The following FLT3 variants were observed in gnomAD, a reference collection of about 807,000 sequenced individuals.
FLT3 encodes the protein fms related receptor tyrosine kinase 3.
A neutral mutation model predicts 126.6 loss-of-function variants in FLT3; 46 were observed. The ratio of observed to expected loss-of-function variants is 0.36; its 90% CI spans 0.29 to 0.46. The LOEUF is 0.46. FLT3 is among the 20% of genes least tolerant of loss of function. The pLI is 1.00. For synonymous variants in FLT3, 404 were observed against 434.4 expected, an observed-to-expected ratio of 0.93 and a Z score of 0.87; for missense variants, 1,069 against 1,190.3, an observed-to-expected ratio of 0.90 and a Z score of 1.50.
intron 1 of FLT3, among the ~76,000 whole-genome samples, chr13:28,084,680 CTT>C (rs1262824313): frequency 1.3e-5 from 2 of 152,044 alleles, no homozygotes; most frequent in East Asian, 3.9e-4. Flanking sequence ...TGTATTGAAT[CTT>C]TTAAAATTTA....
chr13:28,081,827 A>AT (rs1398024148), intron 1 of FLT3, among the ~76,000 whole-genome samples: 1 of 77,480 alleles, frequency 1.3e-5, no homozygotes, highest in Non-Finnish European at 2.6e-5. Flanking sequence ...ATTTACTTTG[A>AT]TTTTTTTACT....
intron 1 of FLT3, among the ~76,000 whole-genome samples, chr13:28,084,698 G>A (rs377649537): frequency 6.6e-6 from 1 of 152,072 alleles, no homozygotes; most frequent in South Asian, 2.1e-4. Flanking sequence ...ATTTACAGCC[G>A]GGCGCAGTGG....
intron 18 of FLT3, among the ~76,000 whole-genome samples, chr13:28,023,772 G>A (rs1299213221): frequency 1.3e-5 from 2 of 150,782 alleles, no homozygotes; most frequent in Non-Finnish European, 2.9e-5. Context: ...CTGTCACAGT[G>A]GGAAAGGAAT....
At chr13:28,062,652 G>C (rs544539966) in intron 2 of FLT3, among the ~76,000 whole-genome samples, 5 of 148,050 alleles carry the variant, frequency 3.4e-5, no homozygotes, top group African/African-American at 1.2e-4. Context: ...GCTGAGGCAG[G>C]AGAATGGCTT....
intron 19 of FLT3, among the ~76,000 whole-genome samples, chr13:28,019,077 C>T (rs1243355860): frequency 6.6e-6 from 1 of 151,356 alleles, no homozygotes; most frequent in Non-Finnish European, 1.5e-5. Flanking sequence ...AAGCAATTCT[C>T]CTGCCTCAGC....
At chr13:28,096,737 C>T (rs1047272126) in intron 1 of FLT3, among the ~76,000 whole-genome samples, 9 of 152,264 alleles carry the variant, frequency 5.9e-5, no homozygotes, top group African/African-American at 2.2e-4. Context: ...CAGCCAGACT[C>T]ATGCAATTTT....
intron 1 of FLT3, among the ~76,000 whole-genome samples, chr13:28,084,158 A>T (rs929211794): frequency 6.7e-6 from 1 of 150,058 alleles, no homozygotes; most frequent in African/African-American, 2.4e-5. Context: ...CGTCTCCCTA[A>T]TTTTTTTTTA....
At chr13:28,042,386 A>T (rs1189743270) in intron 9 of FLT3, among the ~76,000 whole-genome samples, 3 of 151,988 alleles carry the variant, frequency 2.0e-5, no homozygotes, top group Non-Finnish European at 4.4e-5. Flanking sequence ...TACAAATGGT[A>T]CCTTATTTCA....
rs1287211763 is a variant in FLT3 at position 28,100,561 on chromosome 13, C to A, written c.-51G>T. The A allele has an allele frequency of 1.7e-6, 2 of 1,153,440 alleles. No individual in the cohort carries two copies. Among genetic ancestry groups the A allele is most frequent in the African/African-American group, 1.6e-5 (1 of 62,116 alleles). The allele number at this position is 1,153,440 out of a possible 1,614,324, so 71.5% of individuals were successfully genotyped here. The stretch of plus-strand genomic sequence containing the variant: ...GCCGCGCCGGCCCAGCCCTGCGATG[C>A]CGCCTGGAGCGGCGCGCCTCGCGCT... On this transcript the variant is annotated 5_prime_UTR_variant, in exon 1 of 24. Coordinates refer to ENST00000241453, the MANE Select transcript of FLT3 (RefSeq NM_004119.3). The surrounding 1 kb of genome is among the most constrained non-coding windows in gnomAD (Gnocchi z 4.8).
intron 23 of FLT3, among the ~76,000 whole-genome samples, chr13:28,006,450 T>G (rs112692793): frequency 2.6e-5 from 4 of 152,126 alleles, no homozygotes; most frequent in African/African-American, 4.8e-5. Context: ...TTTTGTGAAG[T>G]AGACATAGCA....
rs2137576009 is a variant in FLT3 at position 28,003,328 on chromosome 13, C to T, written c.*724G>A. Reference sequence around the variant, plus strand: ...TACTAATCCTCCATGTTACTTCTGACTGGCCCTGAGTCTGGGAAGGCCGCC... The same window carrying T: ...TACTAATCCTCCATGTTACTTCTGATTGGCCCTGAGTCTGGGAAGGCCGCC... On this transcript the variant is annotated 3_prime_UTR_variant, in exon 24 of 24. Transcript: ENST00000241453. 1 of 233,276 alleles carries T rather than the reference C, an allele frequency of 4.3e-6. No individual in the cohort carries two copies. Among genetic ancestry groups the T allele is most frequent in the Middle Eastern group, 1.3e-3 (1 of 786 alleles). The allele number at this position is 233,276 out of a possible 1,614,324, so 14.5% of individuals were successfully genotyped here.
intron 3 of FLT3, among the ~76,000 whole-genome samples, chr13:28,061,242 G>A (rs1379185062): frequency 2.0e-5 from 3 of 151,846 alleles, no homozygotes; most frequent in Admixed American, 6.6e-5. Context: ...TGTGATCCCC[G>A]ATATTCAGGA....
chr13:28,037,410 A>T (rs1873933212), intron 9 of FLT3, 122 bp from the exon 10 acceptor site: 1 of 666,412 alleles, frequency 1.5e-6, no homozygotes. Context: ...AGTTCACTGG[A>T]AAAGGAAATG....
intron 15 of FLT3, among the ~76,000 whole-genome samples, chr13:28,029,259 G>A (rs989550250): frequency 2.6e-5 from 4 of 152,304 alleles, no homozygotes; most frequent in Middle Eastern, 3.4e-3. Flanking sequence ...GGGCGTGCCG[G>A]TGCGTACCTG....
intron 17 of FLT3, 64 bp downstream of exon 17, chr13:28,027,024 T>G (rs1872870341): frequency 1.4e-6 from 2 of 1,437,736 alleles, no homozygotes; most frequent in African/African-American, 2.8e-5. Flanking sequence ...GAAGTGTGTT[T>G]GAACAGCACA....
intron 1 of FLT3, among the ~76,000 whole-genome samples, chr13:28,083,898 T>A (rs997114723): frequency 5.3e-5 from 8 of 152,206 alleles, no homozygotes; most frequent in Admixed American, 2.0e-4. Context: ...GCTAGAGGTT[T>A]ACTGATTTTA....
At chr13:28,073,479 T>C (rs1877707722) in intron 1 of FLT3, 2 of 309,732 alleles carry the variant, frequency 6.5e-6, no homozygotes, top group South Asian at 5.7e-5. Flanking sequence ...AAGTAAGAAC[T>C]TTTCCTGCTC....
intron 23 of FLT3, among the ~76,000 whole-genome samples, chr13:28,004,996 G>A (rs1212479280): frequency 1.3e-5 from 2 of 152,150 alleles, no homozygotes; most frequent in Non-Finnish European, 2.9e-5. Context: ...CAAATATGAA[G>A]TTAACATGCA....
chr13:28,037,207 T>G lies in FLT3; in HGVS notation c.1287A>C (p.Lys429Asn). The change falls in exon 10 of 24, where the codon AAA (lysine) becomes AAC (asparagine). Residue 429 changes from lysine (K) to asparagine (N), a missense_variant. Transcript: ENST00000241453. ...HAENDDAQFT[K>N]MFTLNIRRKP... ...TACTTCTTATATTCAGCGTGAACAT[T>G]TTGGTAAATTGGGCATCATCATTTT... The G allele has an allele frequency of 6.3e-7, 1 of 1,598,870 alleles. No homozygotes were observed. Among genetic ancestry groups the G allele is most frequent in the East Asian group, 2.2e-5 (1 of 44,816 alleles).
Sources: allele counts gnomAD v4.1 joint callset (sites outside exome capture counted in the v4.1 genomes callset), GRCh38; gene constraint gnomAD v4.1.1; non-coding constraint Gnocchi (gnomAD v3.1); transcripts MANE v1.5; gene names NCBI Gene and HGNC (gene_info 2026-07-23, HGNC 2026-07-21).